The following SPEG variants were observed in gnomAD, a reference collection of about 807,000 sequenced individuals.
SPEG encodes striated muscle enriched protein kinase.
SPEG carries 114 observed loss-of-function variants against 300.4 expected under a neutral mutation model. That is an observed-to-expected ratio of 0.38 (90% confidence interval 0.33 to 0.44). The LOEUF (loss-of-function observed/expected upper bound fraction) is 0.44. SPEG is among the 20% of genes least tolerant of loss of function. The pLI, the probability that SPEG is intolerant of heterozygous loss-of-function variation, is 1.00. For missense variants in SPEG, 4,201 were observed against 4,586.2 expected (o/e 0.92, Z 2.43); for synonymous variants, 1,964 against 2,018.9 (o/e 0.97, Z 0.73).
intron 13 of SPEG, 163 bp from the exon 14 acceptor site, chr2:219,471,705 T>C (rs1691887890): frequency 2.5e-6 from 2 of 802,370 alleles, no homozygotes; most frequent in Admixed American, 2.5e-5. Context: ...TGCTGCACCA[T>C]GGATGCACTT....
At chr2:219,452,891 A>G (rs1689875933) in intron 6 of SPEG, among the ~76,000 whole-genome samples, 1 of 152,070 alleles carries the variant, frequency 6.6e-6, no homozygotes, top group African/African-American at 2.4e-5. Context: ...GATGCATCTG[A>G]TCATAGTCTC....
chr2:219,493,384 G>T lies in SPEG; in HGVS notation c.*598G>T, dbSNP rs1694140590. 1 of 361,464 alleles carries T rather than the reference G, an allele frequency of 2.8e-6. No homozygotes were observed. Among genetic ancestry groups the T allele is most frequent in the African/African-American group, 2.1e-5 (1 of 46,968 alleles). 22.4% of individuals were successfully genotyped at this position (361,464 alleles called of 1,614,324 possible). On this transcript the variant is annotated 3_prime_UTR_variant, in exon 41 of 41. Coordinates refer to ENST00000312358, the MANE Select transcript of SPEG (RefSeq NM_005876.5). ...AAATGTGGAGAGCTGGAGGCCAGCA[G>T]TCACTCACACTCGCTCTGTCCTCCT...
intron 6 of SPEG, among the ~76,000 whole-genome samples, chr2:219,453,863 G>T (rs936986881): frequency 6.6e-6 from 1 of 152,230 alleles, no homozygotes; most frequent in Non-Finnish European, 1.5e-5. Flanking sequence ...AGCAAAAGTG[G>T]GTGGAACCTG....
rs1240622153 is a variant in SPEG at position 219,468,090 on chromosome 2, AG to A, written c.3143-485del. Among the ~76,000 whole-genome samples, 3 of 152,350 alleles carry A rather than the reference AG, an allele frequency of 2.0e-5. No individual in the cohort carries two copies. In the East Asian group the frequency reaches 5.8e-4, roughly 29 times the overall value. Reference sequence around the variant, plus strand: ...CAGGAGGGTGCATCGGGTCAACATAAGGGACCCTTATCTCCTCCAGAAGCTT... The same window carrying A: ...CAGGAGGGTGCATCGGGTCAACATAAGGACCCTTATCTCCTCCAGAAGCTT... On this transcript the variant is annotated intron_variant, in intron 10 of 40. Transcript: ENST00000312358.
At position 219,448,468 on chromosome 2, in the gene SPEG, A is replaced by G; in HGVS notation, c.1310A>G (p.Glu437Gly). ...WVPLRKARSL[E>G]QPKSERGAPW... ...CCCCTGCGCAAGGCCCGCTCTCTGG[A>G]GCAGCCCAAGTCGGAGCGCGGCGCA... Residue 437 changes from glutamate to glycine, a missense_variant, in exon 4 of 41, where the codon GAG (glutamate) becomes GGG (glycine). By Grantham distance (98) the Glu-to-Gly change is moderately conservative (BLOSUM62 -2). This residue lies in a region of SPEG where 1,258 missense variants were observed against 1,293.9 expected (regional missense o/e 0.97). Transcript: ENST00000312358. 5 of 1,498,542 alleles carry G rather than the reference A, an allele frequency of 3.3e-6. No homozygotes were observed. Among genetic ancestry groups the G allele is most frequent in the Non-Finnish European group, 4.4e-6 (5 of 1,133,440 alleles). The allele number at this position is 1,498,542 out of a possible 1,614,324, so 92.8% of individuals were successfully genotyped here.
chr2:219,468,945 G>A lies in SPEG; in HGVS notation c.3388G>A (p.Asp1130Asn), dbSNP rs756303625. 2 of 1,613,894 alleles carry A rather than the reference G, an allele frequency of 1.2e-6. No individual in the cohort carries two copies. Among genetic ancestry groups the A allele is most frequent in the Non-Finnish European group, 1.7e-6 (2 of 1,180,016 alleles). ...GCACATTGCCCATGTGGGCAGCGAG[G>A]ACGAGGGGCTCTATGCGGTCAGTGC... is the stretch of plus-strand genomic sequence containing the variant. ...SLHIAHVGSE[D>N]EGLYAVSAVN... The change falls in exon 12 of 41, where the codon GAC becomes AAC. Residue 1130 changes from aspartate (D) to asparagine (N), a missense_variant. Asp to Asn is a conservative substitution (Grantham distance 23). Transcript: ENST00000312358.
chr2:219,490,912 C>A lies in SPEG; in HGVS notation c.9341C>A (p.Ala3114Asp). Residue 3114 changes from alanine (A) to aspartate (D), a missense_variant, in exon 38 of 41, where the codon GCC (alanine) becomes GAC (aspartate). By Grantham distance (126) the Ala-to-Asp change is moderately radical. Coordinates refer to ENST00000312358, the MANE Select transcript of SPEG (RefSeq NM_005876.5). ...AGTGCCCAGCCCTACAACCCCCAGG[C>A]CCTTAGGCCCCTTGGCCACCGCACG... ...FGSAQPYNPQ[A>D]LRPLGHRTGT... 6.2e-7 allele frequency: 1 copy of A among 1,613,672 alleles called. No homozygotes were observed. Among genetic ancestry groups the A allele is most frequent in the Non-Finnish European group, 8.5e-7 (1 of 1,180,004 alleles).
At chr2:219,489,261 CTG>C (rs1384822049) in intron 35 of SPEG, 40 bp downstream of exon 35, 2 of 1,613,188 alleles carry the variant, frequency 1.2e-6, no homozygotes, top group South Asian at 2.2e-5. Flanking sequence ...GAAGGGGGCT[CTG>C]AGCCTAGGGT....
rs1690397989 is a variant in SPEG at position 219,458,772 on chromosome 2, T to C, written c.2441-3110T>C. Among the ~76,000 whole-genome samples, 1 of 152,240 alleles carries C rather than the reference T, an allele frequency of 6.6e-6. No individual in the cohort carries two copies. The highest frequency in any genetic ancestry group is 1.5e-5 in the Non-Finnish European group (1 of 68,050). On this transcript the variant is annotated intron_variant, in intron 6 of 40. Coordinates refer to ENST00000312358, the MANE Select transcript of SPEG (RefSeq NM_005876.5). The surrounding 1 kb of genome is among the most constrained non-coding windows in gnomAD (Gnocchi z 4.2). ...AGCTTTCATGTGCCTAAGAGTCATC[T>C]GGGGTGCTTTTTAAAATGCAGTTTC...
At position 219,483,919 on chromosome 2, in the gene SPEG, C is replaced by A; in HGVS notation, c.6456C>A (p.Pro2152=). 4 of 1,603,832 alleles carry A rather than the reference C, an allele frequency of 2.5e-6. No homozygotes were observed. Among genetic ancestry groups the A allele is most frequent in the Non-Finnish European group, 1.7e-6 (2 of 1,179,438 alleles). Residue 2152 remains proline (P), a synonymous_variant, in exon 30 of 41, where the codon CCC becomes CCA. Coordinates refer to ENST00000312358, the MANE Select transcript of SPEG (RefSeq NM_005876.5). ...HRRAGAPLEI[P]VARLGARRLQ... ...GAGCGGGGGCGCCCCTCGAGATCCC[C>A]GTGGCCAGGCTTGGGGCCCGTAGGC...
intron 1 of SPEG, chr2:219,437,294 C>T (rs1954744112): frequency 6.6e-6 from 1 of 152,244 alleles, no homozygotes; most frequent in Non-Finnish European, 1.5e-5. Context: ...ATGGATGTCT[C>T]CTGGCCTGCC....
chr2:219,472,008 G>A (rs1216430689), intron 14 of SPEG, 21 bp downstream of exon 14: 1 of 1,608,448 alleles, frequency 6.2e-7, no homozygotes, highest in Non-Finnish European at 8.5e-7. Context: ...CACCCTCGTG[G>A]TCAGCTGCAC....
rs1023019920 is a variant in SPEG at position 219,451,454 on chromosome 2, G to A, written c.2258-171G>A. On this transcript the variant is annotated intron_variant, in intron 5 of 40. Transcript: ENST00000312358. The surrounding 1 kb of genome is among the most constrained non-coding windows in gnomAD (Gnocchi z 6.4). ...TTCAGGGACATTTCTCAGGACCCCCGAGAGAAGGGAGGGCAACCTGAGCTT... is the reference window on the plus strand; with the variant it reads ...TTCAGGGACATTTCTCAGGACCCCCAAGAGAAGGGAGGGCAACCTGAGCTT... Among the ~76,000 whole-genome samples, 2 of 152,056 alleles carry A rather than the reference G, an allele frequency of 1.3e-5. No homozygotes were observed. Among genetic ancestry groups the A allele is most frequent in the African/African-American group, 4.8e-5 (2 of 41,392 alleles).
Position 219,448,612 on chromosome 2 carries a change from G to T in SPEG, c.1454G>T (p.Ser485Ile). The change falls in exon 4 of 41, where the codon AGC becomes ATC. Residue 485 changes from serine (S) to isoleucine (I), a missense_variant. This residue lies in a region of SPEG where 1,258 missense variants were observed against 1,293.9 expected (regional missense o/e 0.97). Coordinates refer to ENST00000312358, the MANE Select transcript of SPEG (RefSeq NM_005876.5). The stretch of plus-strand genomic sequence containing the variant: ...CTGGACGAGCGCACGCGTCAGCGCA[G>T]CCCGGCCTCAGACCTCGAGCTGCGC... ...ASLDERTRQR[S>I]PASDLELRFA... 1 of 1,476,342 alleles carries T rather than the reference G, an allele frequency of 6.8e-7. No homozygotes were observed. The allele number at this position is 1,476,342 out of a possible 1,614,324, so 91.5% of individuals were successfully genotyped here. A position where few individuals can be genotyped will look rare whatever the true frequency, so the allele number is the denominator to read the frequency against.
At chr2:219,453,813 A>G (rs1689959807) in intron 6 of SPEG, among the ~76,000 whole-genome samples, 1 of 152,200 alleles carries the variant, frequency 6.6e-6, no homozygotes, top group Admixed American at 6.5e-5. Flanking sequence ...GGCACTGTTT[A>G]GTCCAGAGTG....
intron 6 of SPEG, chr2:219,460,652 G>A (rs949703982): frequency 7.1e-6 from 7 of 985,486 alleles, no homozygotes; most frequent in East Asian, 2.3e-4. Flanking sequence ...CCAGACGGCC[G>A]CGCTCCGCCC....
chr2:219,436,938 G>T (rs919860399), intron 1 of SPEG, among the ~76,000 whole-genome samples: 1 of 152,172 alleles, frequency 6.6e-6, no homozygotes, highest in South Asian at 2.1e-4. Context: ...ATGACTGGGG[G>T]AGAGATTAGG....
chr2:219,472,011 A>G, intron 14 of SPEG, 24 bp downstream of exon 14: 2 of 1,607,806 alleles, frequency 1.2e-6, no homozygotes, highest in South Asian at 2.2e-5. Context: ...CCTCGTGGTC[A>G]GCTGCACGCA....
chr2:219,467,309 G>A lies in SPEG; in HGVS notation c.3017G>A (p.Arg1006His), dbSNP rs571127512. The stretch of plus-strand genomic sequence containing the variant: ...GAGGTGGATTGGCTGTGCCGTGGCC[G>A]CCTGCTGCAGCCTGCACTGCTCAAA... ...DVEVDWLCRG[R>H]LLQPALLKCK... Residue 1006 changes from arginine to histidine, a missense_variant, in exon 10 of 41, where the codon CGC becomes CAC. Arg to His is a conservative substitution (Grantham distance 29). This residue lies in a region of SPEG where 1,047 missense variants were observed against 1,356.8 expected (regional missense o/e 0.77). Transcript: ENST00000312358. 31 of 1,610,792 alleles carry A rather than the reference G, an allele frequency of 1.9e-5. No homozygotes were observed. The highest frequency in any genetic ancestry group is 1.7e-4 in the Middle Eastern group (1 of 6,054).
Sources: allele counts gnomAD v4.1 joint callset (sites outside exome capture counted in the v4.1 genomes callset), GRCh38; gene constraint gnomAD v4.1.1; regional missense constraint gnomAD v4.1.1; non-coding constraint Gnocchi (gnomAD v3.1); transcripts MANE v1.5; gene names NCBI Gene and HGNC (gene_info 2026-07-23, HGNC 2026-07-21).